TMEM132C: variants seen among roughly 807,000 people sequenced by gnomAD.
The protein encoded by TMEM132C is protein phosphatase 1, regulatory subunit 152.
A neutral mutation model predicts 61.4 loss-of-function variants in TMEM132C; 29 were observed. The observed-to-expected ratio is 0.47, with a 90% CI of 0.35 to 0.64. The LOEUF (loss-of-function observed/expected upper bound fraction) is 0.64. Among genes scored for constraint, TMEM132C ranks in the 30% least tolerant of loss-of-function variants. The pLI, the probability that TMEM132C is intolerant of heterozygous loss-of-function variation, is 0.00. For missense variants in TMEM132C, 1,408 were observed against 1,476.9 expected (o/e 0.95, Z 0.76); for synonymous variants, 656 against 633.1 (o/e 1.04, Z -0.54).
At chr12:128,497,226 A>G (rs1367576741) in intron 2 of TMEM132C, among the ~76,000 whole-genome samples, 2 of 152,154 alleles carry the variant, frequency 1.3e-5, no homozygotes, top group Non-Finnish European at 2.9e-5. Flanking sequence ...GCCCTGTGAG[A>G]TGTCAGTCTG....
chr12:128,407,603 G>A (rs188250599), intron 1 of TMEM132C, among the ~76,000 whole-genome samples: 33 of 152,242 alleles, frequency 2.2e-4, no homozygotes, highest in Non-Finnish European at 4.4e-4. Flanking sequence ...GGATCGCACC[G>A]CTCGCCTCCA....
chr12:128,582,061 G>GC (rs1265454430), intron 3 of TMEM132C, among the ~76,000 whole-genome samples: 2 of 152,304 alleles, frequency 1.3e-5, no homozygotes, highest in Non-Finnish European at 2.9e-5. Context: ...TTCAGTGACT[G>GC]CATGGACTTC....
rs1593002104 is a variant in TMEM132C, at chr12:128,298,320, T to A, written c.85+30833T>A. 2.0e-5 allele frequency among the ~76,000 whole-genome samples: 3 copies of A among 152,360 alleles called. No individual in the cohort carries two copies. The South Asian group carries it at 6.2e-4, about 32-fold the overall frequency. On this transcript the variant is annotated intron_variant, in intron 1 of 8. Coordinates refer to ENST00000435159, the MANE Select transcript of TMEM132C (RefSeq NM_001136103.3). The stretch of plus-strand genomic sequence containing the variant: ...CCGGGCCATGTGCATTGTGTTTTGT[T>A]GAATGTGTTCCTTCCGAAAGGGCAA...
intron 2 of TMEM132C, among the ~76,000 whole-genome samples, chr12:128,446,059 G>T (rs890955965): frequency 6.6e-6 from 1 of 152,180 alleles, no homozygotes; most frequent in Non-Finnish European, 1.5e-5. Context: ...ACGGGGGATG[G>T]TGTGAGACTT....
intron 3 of TMEM132C, among the ~76,000 whole-genome samples, chr12:128,582,524 T>C (rs980394246): frequency 2.0e-5 from 3 of 151,556 alleles, no homozygotes; most frequent in Non-Finnish European, 2.9e-5. Context: ...ATAATTCCCA[T>C]GTGTTGTGGG....
chr12:128,274,742 A>G (rs1025300577), intron 1 of TMEM132C, among the ~76,000 whole-genome samples: 1 of 152,180 alleles, frequency 6.6e-6, no homozygotes, highest in African/African-American at 2.4e-5. Flanking sequence ...ACCTTGGCTA[A>G]ACTTTTCACC....
chr12:128,547,954 C>A (rs1179962878), intron 3 of TMEM132C, among the ~76,000 whole-genome samples: 1 of 152,188 alleles, frequency 6.6e-6, no homozygotes, highest in Non-Finnish European at 1.5e-5. Context: ...CCCCCTGGCC[C>A]TTTGCCCACA....
chr12:128,563,622 G>GGTC (rs1565975460), intron 3 of TMEM132C, among the ~76,000 whole-genome samples: 1 of 152,084 alleles, frequency 6.6e-6, no homozygotes, highest in East Asian at 1.9e-4. Context: ...GGCAAGTCTG[G>GGTC]GTCTGATGTG....
chr12:128,506,266 T>C (rs1182449612), intron 2 of TMEM132C, among the ~76,000 whole-genome samples: 1 of 152,186 alleles, frequency 6.6e-6, no homozygotes, highest in Admixed American at 6.5e-5. Flanking sequence ...CTGCATTACA[T>C]GGGTCTCCTG....
At chr12:128,641,132 C>G (rs1346024965) in intron 4 of TMEM132C, among the ~76,000 whole-genome samples, 2 of 152,146 alleles carry the variant, frequency 1.3e-5, no homozygotes, top group Non-Finnish European at 2.9e-5. Flanking sequence ...GGTCCTGACA[C>G]TAGACGGTGC....
intron 2 of TMEM132C, among the ~76,000 whole-genome samples, chr12:128,474,665 T>C (rs540403821): frequency 6.6e-6 from 1 of 152,350 alleles, no homozygotes; most frequent in African/African-American, 2.4e-5. Flanking sequence ...GAGAAAATTC[T>C]GACATCCCGG....
At chr12:128,321,569 G>T (rs1238461866) in intron 1 of TMEM132C, among the ~76,000 whole-genome samples, 1 of 151,970 alleles carries the variant, frequency 6.6e-6, no homozygotes, top group Non-Finnish European at 1.5e-5. Context: ...CTTACCTGGT[G>T]GGGGTGGACA....
chr12:128,426,799 T>C (rs138845147), intron 2 of TMEM132C, among the ~76,000 whole-genome samples: 6 of 152,298 alleles, frequency 3.9e-5, no homozygotes, highest in African/African-American at 1.4e-4. Context: ...CATTTAAACA[T>C]AGAATTGACT....
At chr12:128,503,470 G>A (rs1325073889) in intron 2 of TMEM132C, among the ~76,000 whole-genome samples, 1 of 152,208 alleles carries the variant, frequency 6.6e-6, no homozygotes, top group Non-Finnish European at 1.5e-5. Context: ...TTGGGTCTCA[G>A]TATATCTATC....
intron 1 of TMEM132C, among the ~76,000 whole-genome samples, chr12:128,412,205 C>G (rs1868581945): frequency 6.6e-6 from 1 of 152,140 alleles, no homozygotes; most frequent in African/African-American, 2.4e-5. Flanking sequence ...AGGGTTTTTA[C>G]TCACCCGTGT....
At chr12:128,616,402 T>G in intron 4 of TMEM132C, 67 bp downstream of exon 4, 1 of 1,437,096 alleles carries the variant, frequency 7.0e-7, no homozygotes, top group Non-Finnish European at 9.4e-7. Context: ...GTCCTTCCTA[T>G]CTGTCATGGG....
intron 1 of TMEM132C, among the ~76,000 whole-genome samples, chr12:128,279,460 C>T (rs948982635): frequency 6.6e-6 from 1 of 152,132 alleles, no homozygotes; most frequent in African/African-American, 2.4e-5. Context: ...TCTAGTGTCT[C>T]CCATCACATT....
chr12:128,297,766 A>G (rs1871458223), intron 1 of TMEM132C, among the ~76,000 whole-genome samples: 2 of 152,160 alleles, frequency 1.3e-5, no homozygotes, highest in South Asian at 2.1e-4. Context: ...CAAAAACTCT[A>G]TAATTTTTCA....
intron 2 of TMEM132C, among the ~76,000 whole-genome samples, chr12:128,468,872 A>T (rs1870831553): frequency 6.6e-6 from 1 of 152,242 alleles, no homozygotes; most frequent in African/African-American, 2.4e-5. Flanking sequence ...TTTTAAAAAA[A>T]TTAGTTTAAA....
Sources: gnomAD v4.1 joint callset for allele counts (sites outside exome capture counted in the v4.1 genomes callset) on GRCh38, gnomAD v4.1.1 for gene constraint, MANE v1.5 for transcripts, NCBI Gene and HGNC (gene_info 2026-07-23, HGNC 2026-07-21) for gene names.